The following RTN1 variants were observed in gnomAD, a reference collection of about 807,000 sequenced individuals.
RTN1 encodes the protein reticulon 1, also known as reticulon-1.
Under a neutral mutation model 65.5 loss-of-function variants are expected in RTN1, and 25 were observed. The ratio of observed to expected loss-of-function variants is 0.38; its 90% CI spans 0.28 to 0.53. The LOEUF is 0.53. RTN1 is among the 20% of genes least tolerant of loss of function. The probability of loss-of-function intolerance (pLI) is 0.79; values close to 1 mark genes in which losing one functional copy is unlikely to be tolerated. For missense variants in RTN1, 983 were observed against 1,025.4 expected, an observed-to-expected ratio of 0.96 and a Z score of 0.57; for synonymous variants, 471 against 447.6, an observed-to-expected ratio of 1.05 and a Z score of -0.66.
At position 59,838,693 on chromosome 14, in the gene RTN1, C is replaced by T. The variant is rs796508601; in HGVS notation, c.241+31697G>A. Among the ~76,000 whole-genome samples, 15 of 152,108 alleles carry T rather than the reference C, an allele frequency of 9.9e-5. 1 individual carries two copies. Among genetic ancestry groups the T allele is most frequent in the African/African-American group, 3.4e-4 (14 of 41,508 alleles). On this transcript the variant is annotated intron_variant, in intron 1 of 8. Transcript: ENST00000267484. ...TATATTAAGATATAAAGGACACATA[C>T]CAAAATATCAATTTACTTCATCTAC... is the stretch of plus-strand genomic sequence containing the variant.
At chr14:59,838,506 A>G (rs895513748) in intron 1 of RTN1, among the ~76,000 whole-genome samples, 2 of 152,174 alleles carry the variant, frequency 1.3e-5, no homozygotes, top group Non-Finnish European at 1.5e-5. Flanking sequence ...TAGTACATCT[A>G]TAGGATGGAA....
At chr14:59,662,215 G>T (rs1883264666) in intron 3 of RTN1, among the ~76,000 whole-genome samples, 1 of 151,040 alleles carries the variant, frequency 6.6e-6, no homozygotes, top group African/African-American at 2.4e-5. Context: ...CAATGTGCAG[G>T]TTTGTTACAT....
At chr14:59,783,913 C>CAAA (rs35470675) in intron 1 of RTN1, among the ~76,000 whole-genome samples, 17 of 104,264 alleles carry the variant, frequency 1.6e-4, no homozygotes, top group African/African-American at 5.1e-4. Context: ...AATCTGGGGG[C>CAAA]AAAAAAAAAA....
intron 3 of RTN1, chr14:59,630,715 C>A (rs1432925495): frequency 1.1e-5 from 12 of 1,128,450 alleles, no homozygotes; most frequent in Non-Finnish European, 1.2e-5. Flanking sequence ...GGCGCGGCCC[C>A]GGAGCCGCCT....
At chr14:59,721,585 C>T (rs1224095373) in intron 3 of RTN1, among the ~76,000 whole-genome samples, 2 of 152,144 alleles carry the variant, frequency 1.3e-5, no homozygotes, top group African/African-American at 4.8e-5. Context: ...AACAAGCACT[C>T]CAAAAGGTGC....
chr14:59,853,985 C>G lies in RTN1; in HGVS notation c.241+16405G>C, dbSNP rs571319987. ...GTTCAAGCCATTCTCCTGCTTCAGC[C>G]TCACAAGTAGCTGGGACTATAGGCA... On this transcript the variant is annotated intron_variant, in intron 1 of 8. Transcript: ENST00000267484. Among the ~76,000 whole-genome samples the G allele has an allele frequency of 1.6e-4, 25 of 151,724 alleles. 1 individual carries two copies. The highest frequency in any genetic ancestry group is 1.1e-3 in the Admixed American group (17 of 15,262).
rs995620228 is a variant in RTN1 at position 59,824,534 on chromosome 14, A to T, written c.241+45856T>A. On this transcript the variant is annotated intron_variant, in intron 1 of 8. Coordinates refer to ENST00000267484, the MANE Select transcript of RTN1 (RefSeq NM_021136.3). ...AAAAGTAAGATGTTACATAGTGTTT[A>T]CCCTGCAAATGTTTGTATTCATGTG... Among the ~76,000 whole-genome samples, 101 of 152,304 alleles carry T rather than the reference A, an allele frequency of 6.6e-4. 3 individuals carry two copies. The highest frequency in any genetic ancestry group is 2.1e-4 in the Non-Finnish European group (14 of 68,030).
intron 3 of RTN1, among the ~76,000 whole-genome samples, chr14:59,625,122 G>T (rs1248297758): frequency 6.6e-6 from 1 of 152,036 alleles, no homozygotes; most frequent in African/African-American, 2.4e-5. Context: ...TTTTAAAAAT[G>T]ATGAAGAAGG....
At chr14:59,811,843 C>A (rs1318688527) in intron 1 of RTN1, among the ~76,000 whole-genome samples, 1 of 152,140 alleles carries the variant, frequency 6.6e-6, no homozygotes, top group African/African-American at 2.4e-5. Context: ...CGGTTCTCAA[C>A]CCTAACTGCA....
intron 2 of RTN1, among the ~76,000 whole-genome samples, chr14:59,733,921 C>T (rs922147376): frequency 1.3e-5 from 2 of 152,238 alleles, no homozygotes; most frequent in Non-Finnish European, 2.9e-5. Flanking sequence ...TGATCCCCTT[C>T]CTCCTGACTG....
At chr14:59,732,804 G>T (rs558336821) in intron 2 of RTN1, among the ~76,000 whole-genome samples, 1 of 152,330 alleles carries the variant, frequency 6.6e-6, no homozygotes, top group East Asian at 1.9e-4. Flanking sequence ...GCAGAATCCA[G>T]GGAGCTGAGC....
At chr14:59,709,126 A>T (rs1884361714) in intron 3 of RTN1, among the ~76,000 whole-genome samples, 1 of 152,170 alleles carries the variant, frequency 6.6e-6, no homozygotes, top group Admixed American at 6.5e-5. Context: ...GTTATATAAG[A>T]AAATGTCCTA....
chr14:59,681,094 C>T (rs933310845), intron 3 of RTN1, among the ~76,000 whole-genome samples: 2 of 151,940 alleles, frequency 1.3e-5, no homozygotes, highest in African/African-American at 4.8e-5. Flanking sequence ...CTCTATTTCC[C>T]ATTTTCTCTT....
intron 1 of RTN1, among the ~76,000 whole-genome samples, chr14:59,760,429 T>C (rs1219284395): frequency 6.6e-6 from 1 of 152,220 alleles, no homozygotes; most frequent in Non-Finnish European, 1.5e-5. Context: ...AGGGAGATTT[T>C]TTCACTGTGT....
rs1471118409 is a variant in RTN1 at position 59,846,208 on chromosome 14, T to C, written c.241+24182A>G. ...AGTACCACAGCTGTGACTTCTTCCTTACCCCACTGGTGCTTTTTTGTGGAA... is the reference window on the plus strand; with the variant it reads ...AGTACCACAGCTGTGACTTCTTCCTCACCCCACTGGTGCTTTTTTGTGGAA... On this transcript the variant is annotated intron_variant, in intron 1 of 8. Coordinates refer to ENST00000267484, the MANE Select transcript of RTN1 (RefSeq NM_021136.3). The surrounding 1 kb of genome is among the most constrained non-coding windows in gnomAD (Gnocchi z 4.8). Among the ~76,000 whole-genome samples, 3 of 152,164 alleles carry C rather than the reference T, an allele frequency of 2.0e-5. No individual in the cohort carries two copies. Among genetic ancestry groups the C allele is most frequent in the Non-Finnish European group, 4.4e-5 (3 of 68,018 alleles).
At chr14:59,735,946 T>C (rs545838301) in intron 2 of RTN1, among the ~76,000 whole-genome samples, 17 of 152,282 alleles carry the variant, frequency 1.1e-4, no homozygotes, top group Non-Finnish European at 2.1e-4. Context: ...ATCTCTTGGG[T>C]AAATAATAAA....
chr14:59,837,160 A>G (rs1887227112), intron 1 of RTN1, among the ~76,000 whole-genome samples: 1 of 152,120 alleles, frequency 6.6e-6, no homozygotes, highest in South Asian at 2.1e-4. Context: ...GGAAGCTTAG[A>G]AACAGACTTA....
chr14:59,814,407 C>T (rs899666351), intron 1 of RTN1, among the ~76,000 whole-genome samples: 2 of 152,148 alleles, frequency 1.3e-5, no homozygotes, highest in African/African-American at 4.8e-5. Context: ...CTGATGTCAA[C>T]CATTTCCTAG....
At chr14:59,678,732 G>A (rs1883681590) in intron 3 of RTN1, among the ~76,000 whole-genome samples, 1 of 152,160 alleles carries the variant, frequency 6.6e-6, no homozygotes, top group African/African-American at 2.4e-5. Flanking sequence ...GCTCACTGGT[G>A]TGGAAGAGAC....
Sources: allele counts gnomAD v4.1 joint callset (sites outside exome capture counted in the v4.1 genomes callset), GRCh38; gene constraint gnomAD v4.1.1; non-coding constraint Gnocchi (gnomAD v3.1); transcripts MANE v1.5; gene names NCBI Gene and HGNC (gene_info 2026-07-23, HGNC 2026-07-21).